Variants in ZNF827 observed in about 807,000 individuals in gnomAD.
The protein encoded by ZNF827 is zinc finger protein 827.
ZNF827 carries 13 observed loss-of-function variants against 102.4 expected under a neutral mutation model. The observed-to-expected ratio is 0.13, with a 90% confidence interval of 0.08 to 0.20. ZNF827 has a LOEUF of 0.20. Ranked by LOEUF, ZNF827 falls within the 10% of genes least tolerant of loss-of-function variation. The pLI is 1.00. For synonymous variants in ZNF827, 523 were observed against 536.2 expected (o/e 0.98, Z 0.34); for missense variants, 1,103 against 1,344.4 (o/e 0.82, Z 2.81).
chr4:145,899,630 T>C (rs1751257527), intron 2 of ZNF827, among the ~76,000 whole-genome samples: 1 of 152,214 alleles, frequency 6.6e-6, no homozygotes, highest in Non-Finnish European at 1.5e-5. Flanking sequence ...TGGAATATTT[T>C]TCGGGTAACA....
chr4:145,830,813 A>G (rs945783264), intron 7 of ZNF827: 3 of 152,232 alleles, frequency 2.0e-5, no homozygotes, highest in African/African-American at 7.2e-5. Context: ...AATATAGAAG[A>G]AAACCCTGAC....
chr4:145,885,572 C>T, intron 4 of ZNF827, 106 bp downstream of exon 4: 1 of 1,428,436 alleles, frequency 7.0e-7, no homozygotes, highest in Non-Finnish European at 9.2e-7. Flanking sequence ...CTAGTTCTAC[C>T]AGCTTATTTT....
chr4:145,857,324 T>C (rs1358343316), intron 5 of ZNF827, among the ~76,000 whole-genome samples: 1 of 152,224 alleles, frequency 6.6e-6, no homozygotes, highest in Non-Finnish European at 1.5e-5. Context: ...GCTCAAACTC[T>C]ACAGGTAAAA....
intron 8 of ZNF827, among the ~76,000 whole-genome samples, chr4:145,793,569 G>C (rs1740054188): frequency 6.6e-6 from 1 of 151,626 alleles, no homozygotes; most frequent in Non-Finnish European, 1.5e-5. Context: ...GCTGGCAGCT[G>C]ATTAGATTGT....
chr4:145,798,322 C>T (rs1181345069), intron 8 of ZNF827, among the ~76,000 whole-genome samples: 1 of 152,212 alleles, frequency 6.6e-6, no homozygotes, highest in Non-Finnish European at 1.5e-5. Context: ...CCAAGCTACC[C>T]TGACATCAAT....
intron 1 of ZNF827, among the ~76,000 whole-genome samples, chr4:145,920,655 A>G (rs1446087519): frequency 6.6e-6 from 1 of 152,182 alleles, no homozygotes; most frequent in Non-Finnish European, 1.5e-5. Flanking sequence ...ATGGTCTCTA[A>G]AGTCCTTTCC....
Position 145,849,373 on chromosome 4 carries a change from T to G in ZNF827, c.2170A>C (p.Ser724Arg), listed in dbSNP as rs758669241. Residue 724 changes from serine (S) to arginine (R), a missense_variant, in exon 6 of 15, where the codon AGT (serine) becomes CGT (arginine). By Grantham distance (110) the Ser-to-Arg change is moderately radical. Transcript: ENST00000508784. Reference protein sequence around the residue: ...GRVPPERNLFSQDISVKMASE... With the variant: ...GRVPPERNLFRQDISVKMASE... ...GCCATTTTCACAGAGATATCCTGAC[T>G]GAAGAGGTTTCTCTCTGGGGGTACT... is the stretch of plus-strand genomic sequence containing the variant. 3 of 1,614,172 alleles carry G rather than the reference T, an allele frequency of 1.9e-6. No homozygotes were observed. In the South Asian group the frequency reaches 3.3e-5, roughly 18 times the overall value.
chr4:145,913,352 G>C (rs1752427942), intron 1 of ZNF827, among the ~76,000 whole-genome samples: 1 of 144,390 alleles, frequency 6.9e-6, no homozygotes, highest in South Asian at 2.2e-4. Flanking sequence ...CTTGAGTCCA[G>C]GAAGCAGAGG....
At chr4:145,862,894 A>G (rs1042712084) in intron 5 of ZNF827, among the ~76,000 whole-genome samples, 1 of 152,202 alleles carries the variant, frequency 6.6e-6, no homozygotes, top group African/African-American at 2.4e-5. Context: ...ACAGAGATAA[A>G]ATGGACCTCA....
Position 145,934,959 on chromosome 4 carries a change from C to T in ZNF827, c.43+3406G>A, listed in dbSNP as rs184199279. Among the ~76,000 whole-genome samples the T allele has an allele frequency of 4.6e-5, 7 of 152,288 alleles. No individual in the cohort carries two copies. In the East Asian group the frequency reaches 1.3e-3, roughly 29 times the overall value. ...TCACAGGTTCTACAGATTCTTAAAA[C>T]AATATATTAACAGTGGCTATTAACC... On this transcript the variant is annotated intron_variant, in intron 1 of 14. Coordinates refer to ENST00000508784, the MANE Select transcript of ZNF827 (RefSeq NM_001306215.2).
chr4:145,903,260 T>C (rs373596643), intron 1 of ZNF827, 45 bp from the exon 2 acceptor site: 18 of 1,548,938 alleles, frequency 1.2e-5, no homozygotes, highest in Non-Finnish European at 1.6e-5. Flanking sequence ...AAGTGAACAA[T>C]AAGTAAGTCT....
intron 5 of ZNF827, among the ~76,000 whole-genome samples, chr4:145,862,449 A>C (rs1747816452): frequency 6.6e-6 from 1 of 152,128 alleles, no homozygotes; most frequent in Non-Finnish European, 1.5e-5. Flanking sequence ...CAATGTCTCC[A>C]ATTCTCACTG....
chr4:145,933,623 AAATACTGG>A (rs1561093603), intron 1 of ZNF827, among the ~76,000 whole-genome samples: 1 of 152,202 alleles, frequency 6.6e-6, no homozygotes, highest in Non-Finnish European at 1.5e-5. Flanking sequence ...TAAACAATGA[AAATACTGG>A]AATAACAAAA....
intron 9 of ZNF827, among the ~76,000 whole-genome samples, 154 bp from the exon 10 acceptor site, chr4:145,776,114 A>G (rs1217229733): frequency 6.6e-6 from 1 of 152,202 alleles, no homozygotes; most frequent in Non-Finnish European, 1.5e-5. Flanking sequence ...TAAGTATCTA[A>G]AAGTCTTTAC....
At chr4:145,888,444 C>T (rs1044823727) in intron 3 of ZNF827, among the ~76,000 whole-genome samples, 6 of 152,330 alleles carry the variant, frequency 3.9e-5, no homozygotes, top group African/African-American at 1.4e-4. Flanking sequence ...ATCCTCTGGT[C>T]ATTTCACACA....
chr4:145,787,299 C>T (rs1739000203), intron 8 of ZNF827, among the ~76,000 whole-genome samples: 1 of 151,988 alleles, frequency 6.6e-6, no homozygotes, highest in African/African-American at 2.4e-5. Flanking sequence ...CCCGTCTCTA[C>T]TAAAAATACA....
At chr4:145,779,252 G>T in intron 9 of ZNF827, 122 bp downstream of exon 9, 1 of 1,322,994 alleles carries the variant, frequency 7.6e-7, no homozygotes, top group Non-Finnish European at 1.0e-6. Flanking sequence ...AAAATGGCTT[G>T]AAAAGGTCAG....
In ZNF827 at chr4:145,885,882, C is replaced by A; in HGVS notation, c.1543G>T (p.Ala515Ser). ...NTPERTSQGGAGVSPLLVKEE... is the reference protein window; with the variant it reads ...NTPERTSQGGSGVSPLLVKEE... ...TTCACCAGCAAAGGCGAGACGCCAG[C>A]CCCTCCCTGGCTAGTCCTCTCTGGA... Residue 515 changes from alanine to serine, a missense_variant, in exon 4 of 15, where the codon GCT (alanine) becomes TCT (serine). Coordinates refer to ENST00000508784, the MANE Select transcript of ZNF827 (RefSeq NM_001306215.2). 4 of 1,614,238 alleles carry A rather than the reference C, an allele frequency of 2.5e-6. No individual in the cohort carries two copies. The highest frequency in any genetic ancestry group is 1.1e-5 in the South Asian group (1 of 91,088).
intron 2 of ZNF827, among the ~76,000 whole-genome samples, chr4:145,895,438 T>C (rs1248706989): frequency 2.0e-5 from 3 of 152,154 alleles, no homozygotes; most frequent in Non-Finnish European, 4.4e-5. Context: ...AATACACAAG[T>C]TGGGTACAAA....
Sources: gnomAD v4.1 joint callset for allele counts (sites outside exome capture counted in the v4.1 genomes callset) on GRCh38, gnomAD v4.1.1 for gene constraint, MANE v1.5 for transcripts, NCBI Gene and HGNC (gene_info 2026-07-23, HGNC 2026-07-21) for gene names.